RGSL1: variants seen among roughly 807,000 people sequenced by gnomAD.
RGSL1 encodes the protein regulator of G protein signaling like 1.
A neutral mutation model predicts 124.7 loss-of-function variants in RGSL1; 97 were observed. The ratio of observed to expected loss-of-function variants is 0.78; its 90% confidence interval spans 0.66 to 0.92. RGSL1 has a LOEUF of 0.92. Among genes scored for constraint, RGSL1 ranks in the 40% least tolerant of loss-of-function variants. RGSL1 has a pLI of 0.00. For synonymous variants in RGSL1, 424 were observed against 438.1 expected, an observed-to-expected ratio of 0.97 and a Z score of 0.40; for missense variants, 1,233 against 1,288.4, an observed-to-expected ratio of 0.96 and a Z score of 0.66.
intron 15 of RGSL1, 44 bp downstream of exon 15, chr1:182,540,465 T>G (rs1352191405): frequency 1.3e-6 from 2 of 1,522,970 alleles, no homozygotes; most frequent in Non-Finnish European, 1.8e-6. Flanking sequence ...AAATGACTTT[T>G]CATCCTTAGG....
intron 6 of RGSL1, among the ~76,000 whole-genome samples, chr1:182,485,057 T>G (rs1303429310): frequency 1.3e-5 from 2 of 152,106 alleles, no homozygotes; most frequent in Non-Finnish European, 2.9e-5. Context: ...AGCATAGCTG[T>G]GTGGCCATTA....
At chr1:182,542,318 C>T (rs1051658152) in intron 15 of RGSL1, among the ~76,000 whole-genome samples, 2 of 152,226 alleles carry the variant, frequency 1.3e-5, no homozygotes, top group Middle Eastern at 3.4e-3. Context: ...ATTGAAGAGA[C>T]GGTCCTTTCC....
intron 9 of RGSL1, among the ~76,000 whole-genome samples, chr1:182,518,729 A>G (rs1254026225): frequency 6.6e-6 from 1 of 152,186 alleles, no homozygotes; most frequent in African/African-American, 2.4e-5. Flanking sequence ...GGGGAGGGGT[A>G]TCTCAGATGT....
At position 182,487,686 on chromosome 1, in the gene RGSL1, G is replaced by A. The variant is rs1474179920; in HGVS notation, c.1432-599G>A. ...CGCTGGAAGCTGAGCTCCTTATAGC[G>A]ACACTTGCAGCATGTTGATCTCTAT... On this transcript the variant is annotated intron_variant, in intron 6 of 21. Coordinates refer to ENST00000294854, the MANE Select transcript of RGSL1 (RefSeq NM_001137669.2). Among the ~76,000 whole-genome samples the A allele has an allele frequency of 3.3e-5, 5 of 152,254 alleles. 1 individual carries two copies. In the South Asian group the frequency reaches 8.3e-4, roughly 25 times the overall value.
chr1:182,527,484 T>C (rs1658834603), intron 10 of RGSL1, 95 bp from the exon 11 acceptor site: 23 of 1,035,446 alleles, frequency 2.2e-5, no homozygotes, highest in Non-Finnish European at 3.1e-5. Context: ...AAAGGCCTTA[T>C]AGCCTGGTCA....
chr1:182,514,900 G>A (rs1657743734), intron 9 of RGSL1, among the ~76,000 whole-genome samples: 1 of 152,226 alleles, frequency 6.6e-6, no homozygotes, highest in African/African-American at 2.4e-5. Context: ...GTAGTCCCAA[G>A]GATTCAGGAT....
intron 6 of RGSL1, among the ~76,000 whole-genome samples, chr1:182,476,280 A>T (rs573975003): frequency 6.6e-6 from 1 of 152,294 alleles, no homozygotes; most frequent in South Asian, 2.1e-4. Flanking sequence ...AGATTCTCAC[A>T]GCAAATACTT....
Position 182,472,553 on chromosome 1 carries a change from C to A in RGSL1, c.459C>A (p.Asn153Lys). ...GSRVVTLCNM[N>K]IKSLLNLSIW... is the part of the protein sequence containing the mutation. Reference sequence around the variant, plus strand: ...GGGTGGTAACCCTCTGTAACATGAACATCAGTAAGAATTATAAAGCATCTT... The same window carrying A: ...GGGTGGTAACCCTCTGTAACATGAAAATCAGTAAGAATTATAAAGCATCTT... Residue 153 changes from asparagine to lysine, a missense_variant, in exon 5 of 22, where the codon AAC (asparagine) becomes AAA (lysine). Asn to Lys is a moderately conservative substitution (Grantham distance 94). Transcript: ENST00000294854. 6.6e-7 allele frequency: 1 copy of A among 1,524,720 alleles called. No individual in the cohort carries two copies. The highest frequency in any genetic ancestry group is 1.2e-5 in the South Asian group (1 of 80,364). The allele number at this position is 1,524,720 out of a possible 1,614,324, so 94.4% of individuals were successfully genotyped here.
At position 182,530,311 on chromosome 1, in the gene RGSL1, C is replaced by G. The variant is rs1659073502; in HGVS notation, c.2193C>G (p.Ser731Arg). ...CTTCCATGCGTCATGTCACCACAAG[C>G]ACACTGTTAACGCTCCAGGGACATG... ...EIASMRHVTT[S>R]TLLTLQGHVM... Residue 731 changes from serine (S) to arginine (R), a missense_variant, in exon 12 of 22, where the codon AGC becomes AGG. Physicochemically the swap from Ser to Arg is moderately radical, Grantham distance 110. Transcript: ENST00000294854. 6.4e-7 allele frequency: 1 copy of G among 1,550,972 alleles called. No individual in the cohort carries two copies. Among genetic ancestry groups the G allele is most frequent in the Non-Finnish European group, 8.7e-7 (1 of 1,146,586 alleles).
intron 2 of RGSL1, 76 bp downstream of exon 2, chr1:182,454,116 TTTTG>T: frequency 1.2e-6 from 1 of 859,368 alleles, no homozygotes; most frequent in Non-Finnish European, 1.9e-6. Context: ...GAGTGACTTT[TTTTG>T]TTTGTTTGTT....
chr1:182,534,341 A>G (rs1266045252), intron 14 of RGSL1, among the ~76,000 whole-genome samples: 1 of 152,200 alleles, frequency 6.6e-6, no homozygotes, highest in East Asian at 1.9e-4. Flanking sequence ...ATAATGTGCC[A>G]GATAGTCTAT....
intron 18 of RGSL1, 119 bp downstream of exon 18, chr1:182,551,328 AG>A: frequency 1.3e-6 from 1 of 768,552 alleles, no homozygotes; most frequent in Non-Finnish European, 2.1e-6. Context: ...GAGCCGGGAC[AG>A]CTCATTTACT....
intron 10 of RGSL1, among the ~76,000 whole-genome samples, chr1:182,525,441 G>A (rs1658669711): frequency 6.6e-6 from 1 of 152,016 alleles, no homozygotes; most frequent in Non-Finnish European, 1.5e-5. Context: ...TCAATAATGA[G>A]ATAGAAATTA....
intron 4 of RGSL1, 48 bp downstream of exon 4, chr1:182,460,181 T>A (rs1229726368): frequency 6.6e-7 from 1 of 1,509,196 alleles, no homozygotes; most frequent in South Asian, 1.3e-5. Flanking sequence ...TGTGTGTGTG[T>A]GTGTAGAAAT....
chr1:182,475,542 T>C (rs555722007), intron 6 of RGSL1, among the ~76,000 whole-genome samples: 1 of 152,170 alleles, frequency 6.6e-6, no homozygotes, highest in East Asian at 1.9e-4. Context: ...CAGGAAGCAA[T>C]TACTAGAACC....
At chr1:182,461,045 C>A (rs1652790763) in intron 4 of RGSL1, among the ~76,000 whole-genome samples, 1 of 152,280 alleles carries the variant, frequency 6.6e-6, no homozygotes, top group South Asian at 2.1e-4. Context: ...CATTGTTATA[C>A]TTTCCCTTTG....
rs1441923804 is a variant in RGSL1 at position 182,509,337 on chromosome 1, G to A, written c.1826-12667G>A. ...GGGGCTGACCCCCCACCTCCCTCCC[G>A]GACGGGGCGGCTGGCCGGGCAGAGG... On this transcript the variant is annotated intron_variant, in intron 9 of 21. Transcript: ENST00000294854. 1.4e-3 allele frequency among the ~76,000 whole-genome samples: 42 copies of A among 30,510 alleles called. 5 individuals carry two copies. The highest frequency in any genetic ancestry group is 5.1e-4 in the East Asian group (1 of 1,944). The allele number at this position is 30,510 out of a possible 152,430, so 20.0% of individuals were successfully genotyped here.
At chr1:182,486,348 T>C (rs1655098565) in intron 6 of RGSL1, among the ~76,000 whole-genome samples, 1 of 151,220 alleles carries the variant, frequency 6.6e-6, no homozygotes, top group Non-Finnish European at 1.5e-5. Flanking sequence ...TCTCCCTCTG[T>C]TGCCCAGGCT....
intron 9 of RGSL1, among the ~76,000 whole-genome samples, chr1:182,496,385 G>A (rs972519385): frequency 6.6e-6 from 1 of 152,122 alleles, no homozygotes; most frequent in Non-Finnish European, 1.5e-5. Context: ...AAACCATATC[G>A]GATGGGTAGG....
Sources: gnomAD v4.1 joint callset for allele counts (sites outside exome capture counted in the v4.1 genomes callset) on GRCh38, gnomAD v4.1.1 for gene constraint, MANE v1.5 for transcripts, NCBI Gene and HGNC (gene_info 2026-07-23, HGNC 2026-07-21) for gene names.